The following CADM2 variants were observed in gnomAD, a reference collection of about 807,000 sequenced individuals.
The protein encoded by CADM2 is immunoglobulin superfamily member 4D.
Under a neutral mutation model 49.8 loss-of-function variants are expected in CADM2, and 12 were observed. The ratio of observed to expected loss-of-function variants is 0.24; its 90% CI spans 0.15 to 0.39. The LOEUF is 0.39. CADM2 is among the 10% of genes least tolerant of loss of function. The pLI is 1.00. For missense variants in CADM2, 378 were observed against 492.3 expected (o/e 0.77, Z 2.20); for synonymous variants, 214 against 175.4 (o/e 1.22, Z -1.74).
chr3:85,731,454 G>T (rs1269642987), intron 2 of CADM2, among the ~76,000 whole-genome samples: 1 of 152,126 alleles, frequency 6.6e-6, no homozygotes, highest in Non-Finnish European at 1.5e-5. Context: ...CACAAAAAAG[G>T]ATTGACATAG....
chr3:84,992,192 A>T (rs958232095), intron 1 of CADM2, among the ~76,000 whole-genome samples: 1 of 152,146 alleles, frequency 6.6e-6, no homozygotes, highest in Non-Finnish European at 1.5e-5. Context: ...GTGTTGAGGT[A>T]AGGGGTAAAT....
At chr3:85,210,126 G>C (rs1292876451) in intron 1 of CADM2, among the ~76,000 whole-genome samples, 1 of 152,038 alleles carries the variant, frequency 6.6e-6, no homozygotes, top group Non-Finnish European at 1.5e-5. Flanking sequence ...TTTTATATGT[G>C]GTTTTTATTG....
intron 1 of CADM2, among the ~76,000 whole-genome samples, chr3:85,150,029 G>T (rs373656409): frequency 3.3e-5 from 5 of 152,218 alleles, no homozygotes; most frequent in African/African-American, 1.2e-4. Context: ...ATATCCGAGT[G>T]AAGGTTAAGG....
chr3:86,046,278 T>G (rs2324978), intron 8 of CADM2, among the ~76,000 whole-genome samples: 5,203 of 152,280 alleles, frequency 0.034, 175 homozygotes, highest in African/African-American at 0.083. Context: ...TTTTCTAAAA[T>G]TTAGAAGTAT....
chr3:85,190,038 C>T (rs1036735518), intron 1 of CADM2, among the ~76,000 whole-genome samples: 13 of 150,594 alleles, frequency 8.6e-5, no homozygotes. Flanking sequence ...GAGACAGACA[C>T]CCAGTGAGGG....
chr3:85,549,789 A>ATTTTTTTTTTTT (rs71617942), intron 1 of CADM2, among the ~76,000 whole-genome samples: 1 of 134,874 alleles, frequency 7.4e-6, no homozygotes, highest in African/African-American at 2.8e-5. Flanking sequence ...ATGCTGGGCT[A>ATTTTTTTTTTTT]TTTTTTTTTT....
chr3:85,541,741 ATATTTTATATAT>A (rs2061545654), intron 1 of CADM2, among the ~76,000 whole-genome samples: 1 of 55,750 alleles, frequency 1.8e-5, no homozygotes, highest in Non-Finnish European at 3.9e-5. Flanking sequence ...TTTTATATAT[ATATTTTATATAT>A]TTTATATATA....
chr3:85,383,384 AT>A, intron 1 of CADM2, among the ~76,000 whole-genome samples: 1 of 151,938 alleles, frequency 6.6e-6, no homozygotes, highest in Non-Finnish European at 1.5e-5. Flanking sequence ...AAATTAGATA[AT>A]TTCATTAGAT....
At chr3:86,033,588 G>GT (rs1332784873) in intron 8 of CADM2, among the ~76,000 whole-genome samples, 2 of 150,032 alleles carry the variant, frequency 1.3e-5, no homozygotes, top group East Asian at 3.9e-4. Context: ...TACTGCTTTA[G>GT]TTTTTTCCTT....
chr3:85,601,108 T>C (rs1322265852), intron 1 of CADM2, among the ~76,000 whole-genome samples: 1 of 137,760 alleles, frequency 7.3e-6, no homozygotes, highest in Non-Finnish European at 1.6e-5. Flanking sequence ...GTAATTAATA[T>C]ACTGTGCATT....
intron 1 of CADM2, among the ~76,000 whole-genome samples, chr3:85,159,237 A>T (rs766232404): frequency 2.6e-5 from 4 of 152,230 alleles, no homozygotes; most frequent in Non-Finnish European, 5.9e-5. Context: ...TGTTATGCCC[A>T]CTGAGCAGTA....
chr3:85,709,286 T>G (rs1045325785), intron 1 of CADM2, among the ~76,000 whole-genome samples: 4 of 152,276 alleles, frequency 2.6e-5, no homozygotes, highest in African/African-American at 9.6e-5. Context: ...AAACAAAAAT[T>G]TGTTTTTAAC....
chr3:85,250,156 A>G (rs981755126), intron 1 of CADM2, among the ~76,000 whole-genome samples: 1 of 151,738 alleles, frequency 6.6e-6, no homozygotes, highest in Non-Finnish European at 1.5e-5. Context: ...GGAATGTTCT[A>G]GCCATTCTTA....
chr3:85,345,391 A>G (rs1446243635), intron 1 of CADM2, among the ~76,000 whole-genome samples: 1 of 151,976 alleles, frequency 6.6e-6, no homozygotes, highest in Non-Finnish European at 1.5e-5. Context: ...AATAAAAACA[A>G]AAACAAAAAA....
intron 1 of CADM2, among the ~76,000 whole-genome samples, chr3:85,649,381 C>T (rs2064980005): frequency 6.6e-6 from 1 of 152,002 alleles, no homozygotes; most frequent in Non-Finnish European, 1.5e-5. Flanking sequence ...CTGAAGTAGC[C>T]ACAAAATATG....
At chr3:85,242,381 C>T (rs1164139064) in intron 1 of CADM2, among the ~76,000 whole-genome samples, 2 of 151,232 alleles carry the variant, frequency 1.3e-5, no homozygotes, top group Non-Finnish European at 3.0e-5. Context: ...TGACTTTATT[C>T]TGACAATTAT....
At chr3:85,205,964 C>T (rs1217396779) in intron 1 of CADM2, among the ~76,000 whole-genome samples, 2 of 152,008 alleles carry the variant, frequency 1.3e-5, no homozygotes, top group Non-Finnish European at 2.9e-5. Flanking sequence ...AACAAATGAA[C>T]ATTAAGCACT....
chr3:85,261,498 G>A (rs1237120503), intron 1 of CADM2, among the ~76,000 whole-genome samples: 3 of 152,016 alleles, frequency 2.0e-5, no homozygotes, highest in Non-Finnish European at 4.4e-5. Flanking sequence ...CCTCTTTTGT[G>A]AATCACTATT....
chr3:85,825,710 T>A (rs2073871490), intron 3 of CADM2, among the ~76,000 whole-genome samples: 1 of 152,116 alleles, frequency 6.6e-6, no homozygotes, highest in South Asian at 2.1e-4. Flanking sequence ...AACTTTGTTT[T>A]TTAGTCACTG....
Sources: allele counts gnomAD v4.1 joint callset (sites outside exome capture counted in the v4.1 genomes callset), GRCh38; gene constraint gnomAD v4.1.1; transcripts MANE v1.5; gene names NCBI Gene and HGNC (gene_info 2026-07-23, HGNC 2026-07-21).